BRD4: variants seen among roughly 807,000 people sequenced by gnomAD.
The protein encoded by BRD4 is bromodomain containing 4.
In BRD4, 16 loss-of-function variants were observed where a neutral mutation model predicts 142.1. That is an observed-to-expected ratio of 0.11 (90% CI 0.08 to 0.17). The LOEUF is 0.17. Among genes scored for constraint, BRD4 ranks in the 10% least tolerant of loss-of-function variants. The pLI is 1.00. For missense variants in BRD4, 1,424 were observed against 1,810.9 expected (o/e 0.79, Z 3.88); for synonymous variants, 833 against 707.5 (o/e 1.18, Z -2.82).
At chr19:15,293,026 C>T (rs966469669) in intron 1 of BRD4, among the ~76,000 whole-genome samples, 5 of 151,990 alleles carry the variant, frequency 3.3e-5, no homozygotes, top group African/African-American at 9.7e-5. Context: ...AAGTGCACAC[C>T]TGGGTGTCTC....
At chr19:15,245,094 G>T in intron 11 of BRD4, 1 of 424,734 alleles carries the variant, frequency 2.4e-6, no homozygotes, top group Non-Finnish European at 4.3e-6. Flanking sequence ...TCACTATAGT[G>T]ACTGAGTGCA....
At chr19:15,254,018 C>CA in intron 11 of BRD4, 134 bp downstream of exon 11, 1 of 772,096 alleles carries the variant, frequency 1.3e-6, no homozygotes, top group Non-Finnish European at 2.1e-6. Context: ...AACAAAGAGA[C>CA]AGACAGACAG....
intron 5 of BRD4, among the ~76,000 whole-genome samples, chr19:15,265,064 G>T (rs1347943746): frequency 6.6e-6 from 1 of 152,220 alleles, no homozygotes; most frequent in Admixed American, 6.5e-5. Context: ...CTCCCCAAGT[G>T]CCCAGGGGAG....
At position 15,239,050 on chromosome 19, in the gene BRD4, C is replaced by T. The variant is rs183321935; in HGVS notation, c.3782+9G>A. Reference sequence around the variant, plus strand: ...AGAGTCCCCATGCCCCACCCAGACACCCGCCCACCTCATGCGCTCCTGCCG... The same window carrying T: ...AGAGTCCCCATGCCCCACCCAGACATCCGCCCACCTCATGCGCTCCTGCCG... On this transcript the variant is annotated intron_variant, in intron 18 of 19. Coordinates refer to ENST00000679869, the MANE Select transcript of BRD4 (RefSeq NM_001379291.1). This position sits in a 1 kb window ranked among gnomAD's most constrained non-coding sequence, Gnocchi z 7.4. 5.0e-6 allele frequency: 8 copies of T among 1,584,988 alleles called. No individual in the cohort carries two copies. The Admixed American group carries it at 5.1e-5, about 10-fold the overall frequency.
chr19:15,244,932 G>C, intron 11 of BRD4, 170 bp from the exon 12 acceptor site: 1 of 1,211,794 alleles, frequency 8.3e-7, no homozygotes, highest in Non-Finnish European at 1.1e-6. Context: ...GAGAGGGAGA[G>C]ACATGCGAGG....
intron 7 of BRD4, among the ~76,000 whole-genome samples, chr19:15,260,996 TG>T (rs2047464079): frequency 6.6e-6 from 1 of 152,186 alleles, no homozygotes; most frequent in Non-Finnish European, 1.5e-5. Context: ...CCTTTGGTGC[TG>T]GAAGAGAATT....
At chr19:15,290,014 A>G (rs1487295666) in intron 1 of BRD4, among the ~76,000 whole-genome samples, 3 of 152,210 alleles carry the variant, frequency 2.0e-5, no homozygotes, top group Admixed American at 6.5e-5. Flanking sequence ...GTTTGGTTTC[A>G]AGGCAGGATA....
chr19:15,275,082 C>T (rs892967237), intron 1 of BRD4, among the ~76,000 whole-genome samples: 3 of 152,142 alleles, frequency 2.0e-5, no homozygotes, highest in African/African-American at 7.2e-5. Context: ...TGGTCTCAAA[C>T]TCCTGACCTC....
chr19:15,300,288 G>A (rs2047856874), intron 1 of BRD4, among the ~76,000 whole-genome samples: 1 of 152,044 alleles, frequency 6.6e-6, no homozygotes. Flanking sequence ...TCGGCTGGGT[G>A]TGGTGGCTCA....
intron 1 of BRD4, among the ~76,000 whole-genome samples, chr19:15,280,794 T>C (rs2047697866): frequency 6.6e-6 from 1 of 152,178 alleles, no homozygotes. Flanking sequence ...GAATAAACAA[T>C]TATTTTCAGG....
At chr19:15,298,938 C>T (rs932142986) in intron 1 of BRD4, among the ~76,000 whole-genome samples, 5 of 152,164 alleles carry the variant, frequency 3.3e-5, no homozygotes, top group East Asian at 3.9e-4. Context: ...GCTGGCACAT[C>T]GTGTCACCTT....
intron 1 of BRD4, among the ~76,000 whole-genome samples, chr19:15,288,435 G>A (rs867088422): frequency 6.6e-6 from 1 of 152,086 alleles, no homozygotes; most frequent in Non-Finnish European, 1.5e-5. Context: ...AAGAAGAGGA[G>A]TGAAACACAG....
chr19:15,319,143 C>G (rs1198628801), intron 1 of BRD4, among the ~76,000 whole-genome samples: 1 of 152,120 alleles, frequency 6.6e-6, no homozygotes, highest in Non-Finnish European at 1.5e-5. Flanking sequence ...CAAGACCAGC[C>G]TGGGCAACAT....
chr19:15,261,170 C>A (rs1457975339), intron 7 of BRD4, among the ~76,000 whole-genome samples: 1 of 152,158 alleles, frequency 6.6e-6, no homozygotes, highest in Admixed American at 6.5e-5. Context: ...CACCGGGTGG[C>A]CCTGAACAAA....
At chr19:15,276,928 G>A (rs181920233) in intron 1 of BRD4, among the ~76,000 whole-genome samples, 37 of 152,268 alleles carry the variant, frequency 2.4e-4, no homozygotes, top group South Asian at 8.3e-4. Flanking sequence ...AGGGACAGGC[G>A]GCATCTCTGA....
intron 11 of BRD4, among the ~76,000 whole-genome samples, chr19:15,249,537 C>G (rs1000275670): frequency 6.6e-6 from 1 of 152,230 alleles, no homozygotes; most frequent in Non-Finnish European, 1.5e-5. Flanking sequence ...CCGCCCCCAG[C>G]CTGCTCAGCT....
At chr19:15,299,661 T>G (rs1482500044) in intron 1 of BRD4, among the ~76,000 whole-genome samples, 1 of 152,234 alleles carries the variant, frequency 6.6e-6, no homozygotes, top group Non-Finnish European at 1.5e-5. Flanking sequence ...GGGACATGTT[T>G]CCATGGTTCC....
In BRD4 at chr19:15,238,925, G is replaced by A. The variant is rs755237120; in HGVS notation, c.3838C>T (p.Arg1280Cys). The change falls in exon 19 of 20, where the codon CGT becomes TGT. Residue 1280 changes from arginine (R) to cysteine (C), a missense_variant. Physicochemically the swap from Arg to Cys is radical, Grantham distance 180. This residue lies in a region of BRD4 where 109 missense variants were observed against 117.9 expected (regional missense o/e 0.92). Coordinates refer to ENST00000679869, the MANE Select transcript of BRD4 (RefSeq NM_001379291.1). This position sits in a 1 kb window ranked among gnomAD's most constrained non-coding sequence, Gnocchi z 7.2. Reference protein sequence around the residue: ...EQARRAHEEARRRQEQQQQQR... With the variant: ...EQARRAHEEACRRQEQQQQQR... ...TGCTGCTGCTGCTCCTGGCGCCGACGTGCCTCCTCATGGGCCCGCCGGGCC... is the reference window on the plus strand; with the variant it reads ...TGCTGCTGCTGCTCCTGGCGCCGACATGCCTCCTCATGGGCCCGCCGGGCC... The A allele has an allele frequency of 3.1e-6, 5 of 1,598,544 alleles. No individual in the cohort carries two copies. The highest frequency in any genetic ancestry group is 2.2e-5 in the South Asian group (2 of 89,546).
At chr19:15,290,968 G>C (rs1483824474) in intron 1 of BRD4, among the ~76,000 whole-genome samples, 1 of 152,140 alleles carries the variant, frequency 6.6e-6, no homozygotes. Context: ...GACGCATATG[G>C]TATTTTTTTT....
Sources: allele counts gnomAD v4.1 joint callset (sites outside exome capture counted in the v4.1 genomes callset), GRCh38; gene constraint gnomAD v4.1.1; regional missense constraint gnomAD v4.1.1; non-coding constraint Gnocchi (gnomAD v3.1); transcripts MANE v1.5; gene names NCBI Gene and HGNC (gene_info 2026-07-23, HGNC 2026-07-21).